Variants in METTL8 observed in about 807,000 individuals in gnomAD.
METTL8 encodes tRNA N(3)-cytidine methyltransferase METTL8, mitochondrial.
A neutral mutation model predicts 48.7 loss-of-function variants in METTL8; 32 were observed. That is an observed-to-expected ratio of 0.66 (90% confidence interval 0.50 to 0.88). The LOEUF (loss-of-function observed/expected upper bound fraction) is 0.88. METTL8 is among the 40% of genes least tolerant of loss of function. METTL8 has a pLI of 0.00. For missense variants in METTL8, 464 were observed against 474.4 expected, an observed-to-expected ratio of 0.98 and a Z score of 0.20; for synonymous variants, 136 against 157.1, an observed-to-expected ratio of 0.87 and a Z score of 1.01.
chr2:171,353,712 T>G (rs1290144408), intron 3 of METTL8, among the ~76,000 whole-genome samples: 1 of 152,220 alleles, frequency 6.6e-6, no homozygotes, highest in Non-Finnish European at 1.5e-5. Context: ...TTTACCATCA[T>G]GTAATGGCCT....
intron 2 of METTL8, among the ~76,000 whole-genome samples, chr2:171,380,892 A>G (rs1044909167): frequency 1.6e-4 from 25 of 152,224 alleles, no homozygotes; most frequent in Non-Finnish European, 3.2e-4. Context: ...GAATTAGAAA[A>G]AACTACTTTA....
chr2:171,365,195 G>A (rs568978783), intron 2 of METTL8, among the ~76,000 whole-genome samples: 3 of 152,204 alleles, frequency 2.0e-5, no homozygotes, highest in African/African-American at 7.2e-5. Flanking sequence ...CAGGTTGCTC[G>A]GGGAAATAAT....
chr2:171,363,804 A>ATC (rs1328149645), intron 2 of METTL8, among the ~76,000 whole-genome samples: 14 of 135,906 alleles, frequency 1.0e-4, no homozygotes, highest in African/African-American at 3.8e-4. Flanking sequence ...ATATATATAT[A>ATC]TATATATATA....
At chr2:171,413,115 T>A (rs777746260) in intron 1 of METTL8, among the ~76,000 whole-genome samples, 9 of 152,186 alleles carry the variant, frequency 5.9e-5, no homozygotes, top group Non-Finnish European at 1.3e-4. Flanking sequence ...AGTCAAAGTA[T>A]AATACAAGAC....
rs1243551771 is a variant in METTL8 at position 171,337,445 on chromosome 2, A to C, written c.656+8T>G. 5 of 1,586,298 alleles carry C rather than the reference A, an allele frequency of 3.2e-6. No individual in the cohort carries two copies. In the South Asian group the frequency reaches 4.7e-5, roughly 15 times the overall value. ...AAATTCTGTAGAAAGAAAACTCTTA[A>C]AACTCACTCCAAAGTGTTCAAAATT... On this transcript the variant is annotated splice_region_variant and intron_variant, in intron 5 of 9. Coordinates refer to ENST00000375258, the MANE Select transcript of METTL8 (RefSeq NM_001321154.2).
intron 2 of METTL8, among the ~76,000 whole-genome samples, chr2:171,360,771 T>C (rs1167256719): frequency 6.6e-6 from 1 of 152,214 alleles, no homozygotes; most frequent in Non-Finnish European, 1.5e-5. Flanking sequence ...GCTAAAGTAA[T>C]GTCCTCAGAA....
At chr2:171,345,980 C>A (rs536729094) in intron 3 of METTL8, among the ~76,000 whole-genome samples, 1 of 152,136 alleles carries the variant, frequency 6.6e-6, no homozygotes, top group African/African-American at 2.4e-5. Flanking sequence ...AATCATTAAT[C>A]TGGGCAATCT....
chr2:171,318,013 T>A lies in METTL8; in HGVS notation c.*6159A>T, dbSNP rs1231428311. On this transcript the variant is annotated 3_prime_UTR_variant, in exon 10 of 10. Transcript: ENST00000375258. ...AGAACTATTATTACTTGCTTGTTACTGCATGTTGCTGATTCATACTCATAG... is the reference window on the plus strand; with the variant it reads ...AGAACTATTATTACTTGCTTGTTACAGCATGTTGCTGATTCATACTCATAG... 1.3e-5 allele frequency: 2 copies of A among 152,258 alleles called. No individual in the cohort carries two copies. The highest frequency in any genetic ancestry group is 3.8e-4 in the East Asian group (2 of 5,206). The allele number at this position is 152,258 out of a possible 1,614,324, so 9.4% of individuals were successfully genotyped here. A position where few individuals can be genotyped will look rare whatever the true frequency, so the allele number is the denominator to read the frequency against.
intron 3 of METTL8, among the ~76,000 whole-genome samples, chr2:171,356,952 A>ATGTTTTGTTTTTTTTTTT: frequency 5.1e-5 from 4 of 78,468 alleles, no homozygotes; most frequent in African/African-American, 8.9e-5. Context: ...CAAAGACAAT[A>ATGTTTTGTTTTTTTTTTT]TTTTTTTTTT....
At chr2:171,374,921 ACTC>A in intron 2 of METTL8, 1 of 1,234,716 alleles carries the variant, frequency 8.1e-7, no homozygotes, top group South Asian at 1.2e-5. Flanking sequence ...GTCTTTAAGA[ACTC>A]AGCTCCTTAC....
chr2:171,407,014 T>C (rs568049926), intron 1 of METTL8, among the ~76,000 whole-genome samples: 1 of 152,302 alleles, frequency 6.6e-6, no homozygotes, highest in African/African-American at 2.4e-5. Context: ...ATATTTGGTT[T>C]GATCTGGATT....
chr2:171,428,144 A>G (rs1559227621), intron 1 of METTL8, among the ~76,000 whole-genome samples: 1 of 152,250 alleles, frequency 6.6e-6, no homozygotes, highest in African/African-American at 2.4e-5. Flanking sequence ...AGAAGAACTA[A>G]TATTTGTTCT....
chr2:171,317,561 A>G lies in METTL8; in HGVS notation c.*6611T>C, dbSNP rs959670728. 1 of 152,280 alleles carries G rather than the reference A, an allele frequency of 6.6e-6. No individual in the cohort carries two copies. The highest frequency in any genetic ancestry group is 1.5e-5 in the Non-Finnish European group (1 of 68,070). 9.4% of individuals were successfully genotyped at this position (152,280 alleles called of 1,614,324 possible). On this transcript the variant is annotated 3_prime_UTR_variant, in exon 10 of 10. Transcript: ENST00000375258. The stretch of plus-strand genomic sequence containing the variant: ...ATGCCAAGGACACAGCTAGCTGGAC[A>G]CTATTTGAAGTCTATGTGCTCAAGT...
At chr2:171,338,580 C>T (rs1686364037) in intron 4 of METTL8, among the ~76,000 whole-genome samples, 1 of 148,644 alleles carries the variant, frequency 6.7e-6, no homozygotes, top group African/African-American at 2.5e-5. Flanking sequence ...GCAGAAGCTG[C>T]AGTGAGCTGA....
At chr2:171,355,750 C>G (rs578178349) in intron 3 of METTL8, among the ~76,000 whole-genome samples, 3 of 152,080 alleles carry the variant, frequency 2.0e-5, no homozygotes, top group African/African-American at 7.2e-5. Context: ...GCTCCGTGGG[C>G]GTGGGACCCT....
intron 1 of METTL8, among the ~76,000 whole-genome samples, chr2:171,420,878 G>A (rs1195718535): frequency 6.6e-6 from 1 of 152,202 alleles, no homozygotes; most frequent in Non-Finnish European, 1.5e-5. Context: ...TAGTGACTGT[G>A]AAATGGAAGA....
Position 171,319,443 on chromosome 2 carries a change from G to T in METTL8, c.*4729C>A, listed in dbSNP as rs1013988739. 52 of 152,230 alleles carry T rather than the reference G, an allele frequency of 3.4e-4. No individual in the cohort carries two copies. Among genetic ancestry groups the T allele is most frequent in the African/African-American group, 1.2e-3 (50 of 41,468 alleles). 9.4% of individuals were successfully genotyped at this position (152,230 alleles called of 1,614,324 possible). A position where few individuals can be genotyped will look rare whatever the true frequency, so the allele number is the denominator to read the frequency against. On this transcript the variant is annotated 3_prime_UTR_variant, in exon 10 of 10. Coordinates refer to ENST00000375258, the MANE Select transcript of METTL8 (RefSeq NM_001321154.2). Reference sequence around the variant, plus strand: ...TGATCTATTCAGGCTTCAGGACTTTGATGAGTTGGAAGTTTTGGGGTTTAA... The same window carrying T: ...TGATCTATTCAGGCTTCAGGACTTTTATGAGTTGGAAGTTTTGGGGTTTAA...
intron 1 of METTL8, 74 bp from the exon 2 acceptor site, chr2:171,392,271 G>C (rs891570502): frequency 8.2e-7 from 1 of 1,218,488 alleles, no homozygotes; most frequent in Non-Finnish European, 1.1e-6. Context: ...CCAAAACCTG[G>C]TTCTAAAGGT....
chr2:171,335,233 T>C (rs1485326816), intron 5 of METTL8, among the ~76,000 whole-genome samples: 1 of 152,118 alleles, frequency 6.6e-6, no homozygotes, highest in African/African-American at 2.4e-5. Flanking sequence ...TAAATGATAG[T>C]AGGAAACTAC....
Sources: gnomAD v4.1 joint callset for allele counts (sites outside exome capture counted in the v4.1 genomes callset) on GRCh38, gnomAD v4.1.1 for gene constraint, MANE v1.5 for transcripts, NCBI Gene and HGNC (gene_info 2026-07-23, HGNC 2026-07-21) for gene names.